The following FKTN variants were observed in gnomAD, a reference collection of about 807,000 sequenced individuals.
The protein encoded by FKTN is fukutin, also known as ribitol-5-phosphate transferase FKTN.
In FKTN, 47 loss-of-function variants were observed where a neutral mutation model predicts 58.6. The observed-to-expected ratio is 0.80, with a 90% CI of 0.63 to 1.02. The LOEUF (loss-of-function observed/expected upper bound fraction) is 1.02. Ranked by LOEUF, FKTN falls within the 50% of genes least tolerant of loss-of-function variation. FKTN has a pLI of 0.00. For synonymous variants in FKTN, 178 were observed against 191.9 expected (o/e 0.93, Z 0.60); for missense variants, 516 against 537.3 (o/e 0.96, Z 0.39).
At position 105,578,627 on chromosome 9, in the gene FKTN, TTC is replaced by T. The variant is rs1024917801; in HGVS notation, c.105+3494_105+3495del. Among the ~76,000 whole-genome samples, 321 of 152,152 alleles carry T rather than the reference TTC, an allele frequency of 2.1e-3. 1 individual carries two copies. The highest frequency in any genetic ancestry group is 7.5e-3 in the African/African-American group (310 of 41,488). On this transcript the variant is annotated intron_variant, in intron 3 of 10. Transcript: ENST00000357998. ...GTTCATCAAGAATATTGGTCTAAAA[TTC>T]TCTTTTTTTGTTGAGTCTCTGCCCG...
intron 1 of FKTN, among the ~76,000 whole-genome samples, chr9:105,572,022 C>T (rs1840817893): frequency 6.6e-6 from 1 of 152,042 alleles, no homozygotes. Context: ...GATACTAAAC[C>T]TCTATTTGAT....
intron 3 of FKTN, among the ~76,000 whole-genome samples, chr9:105,586,030 A>G (rs1458493133): frequency 6.6e-6 from 1 of 152,196 alleles, no homozygotes; most frequent in Non-Finnish European, 1.5e-5. Flanking sequence ...AAGGACTGCA[A>G]AGCTTTCAGG....
Position 105,615,343 on chromosome 9 carries a change from A to C in FKTN, c.846A>C (p.Gln282His). 1 of 1,613,818 alleles carries C rather than the reference A, an allele frequency of 6.2e-7. No homozygotes were observed. Among genetic ancestry groups the C allele is most frequent in the East Asian group, 2.2e-5 (1 of 44,888 alleles). ...AFRKSAKELL[Q>H]LAAKTLNKLG... ...GGAAGAGTGCAAAGGAATTACTGCA[A>C]CTAGCAGCGAAAACATTAAACAAAT... The change falls in exon 8 of 11, where the codon CAA (glutamine) becomes CAC (histidine). Residue 282 changes from glutamine to histidine, a missense_variant. Gln to His is a conservative substitution (Grantham distance 24). Transcript: ENST00000357998.
chr9:105,568,846 T>G (rs1296705674), intron 1 of FKTN, among the ~76,000 whole-genome samples: 3 of 152,198 alleles, frequency 2.0e-5, no homozygotes, highest in African/African-American at 7.2e-5. Context: ...ACATGTATGT[T>G]TATTGTGGCA....
chr9:105,635,392 G>T lies in FKTN; in HGVS notation c.*128G>T. The T allele has an allele frequency of 6.6e-7, 1 of 1,517,810 alleles. No homozygotes were observed. The highest frequency in any genetic ancestry group is 8.8e-7 in the Non-Finnish European group (1 of 1,135,964). The allele number at this position is 1,517,810 out of a possible 1,614,324, so 94.0% of individuals were successfully genotyped here. On this transcript the variant is annotated 3_prime_UTR_variant, in exon 11 of 11. Coordinates refer to ENST00000357998, the MANE Select transcript of FKTN (RefSeq NM_001079802.2). ...AAAATGTGACAAGTTTGAAGACACAGAAAGAGTCATCTGATGTAATTCTCT... is the reference window on the plus strand; with the variant it reads ...AAAATGTGACAAGTTTGAAGACACATAAAGAGTCATCTGATGTAATTCTCT...
intron 1 of FKTN, among the ~76,000 whole-genome samples, chr9:105,566,965 T>A (rs1839757975): frequency 1.3e-5 from 2 of 152,154 alleles, no homozygotes; most frequent in Non-Finnish European, 2.9e-5. Context: ...GTGGGCTTCA[T>A]CCCCAGGATG....
At chr9:105,566,727 C>G (rs1839694864) in intron 1 of FKTN, among the ~76,000 whole-genome samples, 1 of 152,210 alleles carries the variant, frequency 6.6e-6, no homozygotes, top group African/African-American at 2.4e-5. Flanking sequence ...CAAGGAGGAG[C>G]TGGTACCATT....
At position 105,619,933 on chromosome 9, in the gene FKTN, G is replaced by A. The variant is rs2133209411; in HGVS notation, c.1045-1G>A. ...TGTGAAGGTTTTCATCTTCCCCATA[G>A]GTAGAAGACAGCTTGGAACTATCCT... On this transcript the variant is annotated splice_acceptor_variant, in intron 9 of 10. Transcript: ENST00000357998. LOFTEE classifies it high-confidence loss of function. The A allele has an allele frequency of 1.9e-6, 3 of 1,610,692 alleles. No individual in the cohort carries two copies. Among genetic ancestry groups the A allele is most frequent in the African/African-American group, 1.3e-5 (1 of 74,942 alleles).
rs1216224334 is a variant in FKTN at position 105,612,417 on chromosome 9, C to A, written c.781-2861C>A. Among the ~76,000 whole-genome samples, 3 of 152,068 alleles carry A rather than the reference C, an allele frequency of 2.0e-5. No homozygotes were observed. In the East Asian group the frequency reaches 5.8e-4, roughly 29 times the overall value. ...ATTAGATCCTATTTGTCAGTTTTTGCTTTTGTTGCAATTTCTTTTGGCATC... is the reference window on the plus strand; with the variant it reads ...ATTAGATCCTATTTGTCAGTTTTTGATTTTGTTGCAATTTCTTTTGGCATC... On this transcript the variant is annotated intron_variant, in intron 7 of 10. Transcript: ENST00000357998.
intron 1 of FKTN, among the ~76,000 whole-genome samples, chr9:105,572,286 C>A (rs761199183): frequency 6.1e-4 from 92 of 151,942 alleles, no homozygotes; most frequent in Non-Finnish European, 9.7e-4. Flanking sequence ...TCAGCTCTGG[C>A]AGCTCATTTG....
chr9:105,613,999 G>T (rs891790799), intron 7 of FKTN, among the ~76,000 whole-genome samples: 1 of 152,146 alleles, frequency 6.6e-6, no homozygotes, highest in Non-Finnish European at 1.5e-5. Flanking sequence ...AAAAGTTGTG[G>T]TGTATTTGAG....
chr9:105,596,460 C>T, intron 3 of FKTN, 138 bp from the exon 4 acceptor site: 1 of 669,594 alleles, frequency 1.5e-6, no homozygotes, highest in Non-Finnish European at 2.7e-6. Flanking sequence ...TAGCTCATGA[C>T]TATATGAAAA....
chr9:105,603,356 A>G (rs1828241303), intron 5 of FKTN, among the ~76,000 whole-genome samples: 1 of 152,206 alleles, frequency 6.6e-6, no homozygotes, highest in Admixed American at 6.5e-5. Context: ...GGAATGTTAC[A>G]GTTGATAATG....
chr9:105,640,031 T>G lies in FKTN; in HGVS notation c.*4767T>G. ...ATGCTGATGAATGCCTGTATCATTG[T>G]TAATAAAGGAGAATTGAAAATACTC... On this transcript the variant is annotated 3_prime_UTR_variant, in exon 11 of 11. Coordinates refer to ENST00000357998, the MANE Select transcript of FKTN (RefSeq NM_001079802.2). 1 of 1,530,830 alleles carries G rather than the reference T, an allele frequency of 6.5e-7. No individual in the cohort carries two copies. The highest frequency in any genetic ancestry group is 8.8e-7 in the Non-Finnish European group (1 of 1,142,756). 94.8% of individuals were successfully genotyped at this position (1,530,830 alleles called of 1,614,324 possible). A position where few individuals can be genotyped will look rare whatever the true frequency, so the allele number is the denominator to read the frequency against.
chr9:105,639,253 T>C lies in FKTN; in HGVS notation c.*3989T>C. 2.0e-6 allele frequency: 2 copies of C among 985,418 alleles called. No individual in the cohort carries two copies. The highest frequency in any genetic ancestry group is 6.1e-5 in the Admixed American group (1 of 16,276). The allele number at this position is 985,418 out of a possible 1,614,324, so 61.0% of individuals were successfully genotyped here. On this transcript the variant is annotated 3_prime_UTR_variant, in exon 11 of 11. Coordinates refer to ENST00000357998, the MANE Select transcript of FKTN (RefSeq NM_001079802.2). ...CCCAGCAACGTTCCCTCTTTCCTCC[T>C]TGTCTTCCACTATCATTAAGACCTG...
rs1834163014 is a variant in FKTN at position 105,638,083 on chromosome 9, A to C, written c.*2819A>C. On this transcript the variant is annotated 3_prime_UTR_variant, in exon 11 of 11. Transcript: ENST00000357998. Reference sequence around the variant, plus strand: ...AAACCATAATGTAATATTCTTTTTAAACCCTCTTATTTTATAACTAAATAA... The same window carrying C: ...AAACCATAATGTAATATTCTTTTTACACCCTCTTATTTTATAACTAAATAA... 1 of 972,426 alleles carries C rather than the reference A, an allele frequency of 1.0e-6. No individual in the cohort carries two copies. The highest frequency in any genetic ancestry group is 1.8e-5 in the African/African-American group (1 of 56,988). The allele number at this position is 972,426 out of a possible 1,614,324, so 60.2% of individuals were successfully genotyped here. A position where few individuals can be genotyped will look rare whatever the true frequency, so the allele number is the denominator to read the frequency against.
At chr9:105,592,266 A>G (rs1845031551) in intron 3 of FKTN, among the ~76,000 whole-genome samples, 2 of 152,210 alleles carry the variant, frequency 1.3e-5, no homozygotes, top group African/African-American at 4.8e-5. Context: ...TTCCAATTTT[A>G]TGTCATTTCT....
At chr9:105,630,075 T>C (rs1276577869) in intron 10 of FKTN, among the ~76,000 whole-genome samples, 2 of 151,882 alleles carry the variant, frequency 1.3e-5, no homozygotes, top group African/African-American at 4.8e-5. Context: ...AGGGGAGGGA[T>C]AGCATTAGGA....
rs546374850 is a variant in FKTN, at chr9:105,636,241, C to A, written c.*977C>A. On this transcript the variant is annotated 3_prime_UTR_variant, in exon 11 of 11. Transcript: ENST00000357998. ...TTTAAATATACTCTAATTTTTAAAACATACTCTTTATTATCTTCATTTATC... is the reference window on the plus strand; with the variant it reads ...TTTAAATATACTCTAATTTTTAAAAAATACTCTTTATTATCTTCATTTATC... 1 of 902,304 alleles carries A rather than the reference C, an allele frequency of 1.1e-6. No individual in the cohort carries two copies. The highest frequency in any genetic ancestry group is 1.2e-4 in the East Asian group (1 of 8,400). The allele number at this position is 902,304 out of a possible 1,614,324, so 55.9% of individuals were successfully genotyped here.
Sources: gnomAD v4.1 joint callset for allele counts (sites outside exome capture counted in the v4.1 genomes callset) on GRCh38, gnomAD v4.1.1 for gene constraint, MANE v1.5 for transcripts, NCBI Gene and HGNC (gene_info 2026-07-23, HGNC 2026-07-21) for gene names.